The following GCFC2 variants were observed in gnomAD, a reference collection of about 807,000 sequenced individuals.
GCFC2 encodes the protein GC-rich sequence DNA-binding factor 2, also known as intron Large complex component GCFC2.
In GCFC2, 102 loss-of-function variants were observed where a neutral mutation model predicts 99.4. That is an observed-to-expected ratio of 1.03 (90% confidence interval 0.87 to 1.21). GCFC2 has a LOEUF of 1.21. Among genes scored for constraint, GCFC2 ranks in the 50% most tolerant of loss-of-function variants. The probability of loss-of-function intolerance (pLI) is 0.00; values close to 1 mark genes in which losing one functional copy is unlikely to be tolerated. For missense variants in GCFC2, 973 were observed against 920.9 expected (o/e 1.06, Z -0.73); for synonymous variants, 338 against 316.8 (o/e 1.07, Z -0.71).
Position 75,692,879 on chromosome 2 carries a change from C to T in GCFC2, c.1021-779G>A, listed in dbSNP as rs138607576. 6.4e-4 allele frequency among the ~76,000 whole-genome samples: 98 copies of T among 152,156 alleles called. 1 individual carries two copies. In the East Asian group the frequency reaches 8.9e-3, roughly 14 times the overall value. On this transcript the variant is annotated intron_variant, in intron 6 of 16. Transcript: ENST00000321027. ...CAGGTAAGTAAGTTGTGATGTGATACAGAAATGAGACTTGTTGAAATTGAA... is the reference window on the plus strand; with the variant it reads ...CAGGTAAGTAAGTTGTGATGTGATATAGAAATGAGACTTGTTGAAATTGAA...
At chr2:75,684,992 C>T (rs1324003612) in intron 11 of GCFC2, among the ~76,000 whole-genome samples, 1 of 152,122 alleles carries the variant, frequency 6.6e-6, no homozygotes, top group Admixed American at 6.5e-5. Context: ...CGTTCTCACT[C>T]ATAAGTGGGA....
At chr2:75,677,386 T>C (rs1679388402) in intron 12 of GCFC2, among the ~76,000 whole-genome samples, 1 of 152,210 alleles carries the variant, frequency 6.6e-6, no homozygotes, top group African/African-American at 2.4e-5. Flanking sequence ...CTTAGCAACA[T>C]GGGGCATTAT....
chr2:75,693,824 T>A (rs1680190823), intron 6 of GCFC2, among the ~76,000 whole-genome samples: 1 of 151,774 alleles, frequency 6.6e-6, no homozygotes. Flanking sequence ...AACCAAAGAG[T>A]TTGCTTGAGA....
chr2:75,703,310 T>C (rs925386858), intron 2 of GCFC2, among the ~76,000 whole-genome samples: 2 of 152,180 alleles, frequency 1.3e-5, no homozygotes, highest in Non-Finnish European at 2.9e-5. Flanking sequence ...GAAGTGAAAT[T>C]TTCTAAACTT....
At chr2:75,665,227 C>A (rs982539883) in intron 16 of GCFC2, among the ~76,000 whole-genome samples, 1 of 152,006 alleles carries the variant, frequency 6.6e-6, no homozygotes, top group Non-Finnish European at 1.5e-5. Context: ...TCATAGCTCA[C>A]TGCAGCCTCA....
At chr2:75,710,420 T>A in intron 1 of GCFC2, 171 bp downstream of exon 1, 1 of 1,360,304 alleles carries the variant, frequency 7.4e-7, no homozygotes, top group Non-Finnish European at 9.4e-7. Context: ...GGGCAAGTGC[T>A]CGAGCTATTT....
In GCFC2 at chr2:75,665,973, C is replaced by A. The variant is rs777162194; in HGVS notation, c.2184G>T (p.Gln728His). ...ATTTATGTGCAGACTGCAATAAAAA[C>A]TGAATGAAGTTTTCTAGCTGTGGAA... ...TSIPQLENFI[Q>H]FLLQSAHKLS... The change falls in exon 16 of 17, where the codon CAG (glutamine) becomes CAT (histidine). Residue 728 changes from glutamine (Q) to histidine (H), a missense_variant. By Grantham distance (24) the Gln-to-His change is conservative. Transcript: ENST00000321027. 2 of 1,600,302 alleles carry A rather than the reference C, an allele frequency of 1.2e-6. No individual in the cohort carries two copies. Among genetic ancestry groups the A allele is most frequent in the Non-Finnish European group, 1.7e-6 (2 of 1,169,128 alleles).
At position 75,682,181 on chromosome 2, in the gene GCFC2, C is replaced by G. The variant is rs146196662; in HGVS notation, c.1691-1867G>C. On this transcript the variant is annotated intron_variant, in intron 11 of 16. Coordinates refer to ENST00000321027, the MANE Select transcript of GCFC2 (RefSeq NM_003203.5). ...CCTCCCAGTAGGGGCCGACAGACAC[C>G]TCACAGAGGAGAGCTCTGCCTGGCA... 7.7e-4 allele frequency among the ~76,000 whole-genome samples: 117 copies of G among 151,942 alleles called. 1 individual carries two copies. Among genetic ancestry groups the G allele is most frequent in the African/African-American group, 2.8e-3 (115 of 41,246 alleles).
chr2:75,713,078 TTG>T (rs1271638909), upstream of GCFC2, among the ~76,000 whole-genome samples: 1 of 152,194 alleles, frequency 6.6e-6, no homozygotes, highest in Non-Finnish European at 1.5e-5. Context: ...TTTCTTGGCT[TTG>T]TCTTTTTTTC....
chr2:75,694,092 A>G (rs1211488057), intron 6 of GCFC2, 149 bp downstream of exon 6: 1 of 336,050 alleles, frequency 3.0e-6, no homozygotes, highest in African/African-American at 3.3e-5. Flanking sequence ...TTGAATATCC[A>G]ACATTAAGAG....
chr2:75,688,798 A>G (rs1047457819), intron 10 of GCFC2, among the ~76,000 whole-genome samples: 14 of 152,200 alleles, frequency 9.2e-5, no homozygotes, highest in African/African-American at 3.4e-4. Flanking sequence ...AGAAGCTAAA[A>G]AAAAATGTGT....
chr2:75,692,686 A>G (rs1359369653), intron 6 of GCFC2, among the ~76,000 whole-genome samples: 4 of 152,034 alleles, frequency 2.6e-5, no homozygotes, highest in African/African-American at 9.7e-5. Flanking sequence ...GGATGGAGTC[A>G]GGAACATGCA....
At position 75,687,847 on chromosome 2, in the gene GCFC2, G is replaced by A. The variant is rs201807357; in HGVS notation, c.1670C>T (p.Thr557Ile). The A allele has an allele frequency of 2.5e-6, 4 of 1,605,738 alleles. No individual in the cohort carries two copies. The East Asian group carries it at 8.9e-5, about 36-fold the overall frequency. ...KKVLSAIINK[T>I]IIPRLTDFVE... is the part of the protein sequence containing the mutation. ...AGTACCTGTAAGTCGGGGAATAATT[G>A]TTTTGTTGATGATTGCAGACAAGAC... Residue 557 changes from threonine (T) to isoleucine (I), a missense_variant, in exon 11 of 17, where the codon ACA becomes ATA. By Grantham distance (89) the Thr-to-Ile change is moderately conservative (BLOSUM62 -1). Transcript: ENST00000321027.
chr2:75,692,927 C>T (rs1680151556), intron 6 of GCFC2, among the ~76,000 whole-genome samples: 1 of 152,062 alleles, frequency 6.6e-6, no homozygotes, highest in African/African-American at 2.4e-5. Context: ...TGGGGAGCAA[C>T]AATTCCTCCT....
chr2:75,711,850 C>T (rs556140241), upstream of GCFC2, among the ~76,000 whole-genome samples: 11 of 152,382 alleles, frequency 7.2e-5, no homozygotes, highest in African/African-American at 2.4e-4. Flanking sequence ...CATGCCTGAG[C>T]CTCCCATCCA....
intron 4 of GCFC2, among the ~76,000 whole-genome samples, chr2:75,698,672 C>T (rs1195246392): frequency 6.6e-6 from 1 of 152,096 alleles, no homozygotes; most frequent in Admixed American, 6.5e-5. Flanking sequence ...CCGTAATACT[C>T]AACATCTGTT....
chr2:75,705,616 CAAAAA>C (rs34447327), intron 2 of GCFC2, among the ~76,000 whole-genome samples: 1 of 84,340 alleles, frequency 1.2e-5, no homozygotes, highest in Non-Finnish European at 2.1e-5. Context: ...GACTCCATCT[CAAAAA>C]AAAAAAAAAA....
chr2:75,682,869 A>G (rs192499530), intron 11 of GCFC2, among the ~76,000 whole-genome samples: 2 of 152,018 alleles, frequency 1.3e-5, no homozygotes, highest in African/African-American at 4.8e-5. Context: ...ACCTCAATGA[A>G]ATAAAGCGAG....
chr2:75,676,059 T>A (rs1463362778), intron 12 of GCFC2, among the ~76,000 whole-genome samples: 1 of 152,150 alleles, frequency 6.6e-6, no homozygotes, highest in East Asian at 1.9e-4. Flanking sequence ...TGGGGAAGAA[T>A]AAAGGCAGGT....
Sources: allele counts gnomAD v4.1 joint callset (sites outside exome capture counted in the v4.1 genomes callset), GRCh38; gene constraint gnomAD v4.1.1; transcripts MANE v1.5; gene names NCBI Gene and HGNC (gene_info 2026-07-23, HGNC 2026-07-21).